Variants in RNF150 observed in about 807,000 individuals in gnomAD.
RNF150 encodes ring finger protein 150.
In RNF150, 24 loss-of-function variants were observed where a neutral mutation model predicts 39.3. The ratio of observed to expected loss-of-function variants is 0.61; its 90% CI spans 0.44 to 0.86. The LOEUF (loss-of-function observed/expected upper bound fraction) is 0.86, where lower values mean the gene tolerates loss of function less well. RNF150 is among the 40% of genes least tolerant of loss of function. The pLI is 0.00. For synonymous variants in RNF150, 255 were observed against 227.3 expected, an observed-to-expected ratio of 1.12 and a Z score of -1.10; for missense variants, 502 against 587.8, an observed-to-expected ratio of 0.85 and a Z score of 1.51.
At chr4:141,198,033 C>CA (rs1470979331) in intron 1 of RNF150, among the ~76,000 whole-genome samples, 1 of 139,466 alleles carries the variant, frequency 7.2e-6, no homozygotes, top group Non-Finnish European at 1.6e-5. Context: ...TAGACCACTC[C>CA]TTTTTTTTTT....
chr4:140,896,688 A>T (rs528102571), intron 6 of RNF150, among the ~76,000 whole-genome samples: 713 of 12,972 alleles, frequency 0.055, 2 homozygotes, highest in Non-Finnish European at 0.088. Context: ...AGAGTATAAT[A>T]AAAAAAAAAA....
intron 1 of RNF150, among the ~76,000 whole-genome samples, chr4:141,070,183 G>C (rs928438599): frequency 1.3e-5 from 2 of 152,136 alleles, no homozygotes; most frequent in East Asian, 3.9e-4. Context: ...GACATATGTA[G>C]AAAGCTGAAA....
chr4:140,986,353 T>C (rs1236948070), intron 1 of RNF150, among the ~76,000 whole-genome samples: 1 of 152,112 alleles, frequency 6.6e-6, no homozygotes, highest in Non-Finnish European at 1.5e-5. Flanking sequence ...AGTCTCAGCC[T>C]GGCTAGGTGA....
chr4:141,169,855 A>AT (rs1364163758), intron 1 of RNF150, among the ~76,000 whole-genome samples: 1 of 151,702 alleles, frequency 6.6e-6, no homozygotes, highest in Non-Finnish European at 1.5e-5. Context: ...CATTTAACAC[A>AT]TTTTTTTCTA....
chr4:141,167,905 G>T (rs181379456), intron 1 of RNF150, among the ~76,000 whole-genome samples: 4 of 151,930 alleles, frequency 2.6e-5, no homozygotes, highest in Non-Finnish European at 5.9e-5. Flanking sequence ...TGATTAAAAC[G>T]CCAAAAGCAA....
intron 6 of RNF150, among the ~76,000 whole-genome samples, chr4:140,873,069 C>G (rs1165712066): frequency 6.6e-6 from 1 of 152,126 alleles, no homozygotes; most frequent in Non-Finnish European, 1.5e-5. Flanking sequence ...AACTGGTGAC[C>G]CTTGATGCTG....
chr4:141,020,933 T>A (rs1735467764), intron 1 of RNF150, among the ~76,000 whole-genome samples: 1 of 151,994 alleles, frequency 6.6e-6, no homozygotes, highest in African/African-American at 2.4e-5. Context: ...AAAAACAACA[T>A]AAAGTGGTAA....
At chr4:141,195,270 G>A (rs1475349233) in intron 1 of RNF150, among the ~76,000 whole-genome samples, 1 of 152,106 alleles carries the variant, frequency 6.6e-6, no homozygotes, top group Non-Finnish European at 1.5e-5. Context: ...CTAAACCTGA[G>A]CTAGGATTAT....
At chr4:141,104,084 G>T (rs1578733775) in intron 1 of RNF150, among the ~76,000 whole-genome samples, 1 of 152,154 alleles carries the variant, frequency 6.6e-6, no homozygotes, top group Admixed American at 6.5e-5. Flanking sequence ...GAGGTGATAA[G>T]GCTTGGGGTT....
chr4:141,211,105 A>G (rs1728457299), intron 1 of RNF150, among the ~76,000 whole-genome samples: 2 of 152,186 alleles, frequency 1.3e-5, no homozygotes, highest in African/African-American at 4.8e-5. Flanking sequence ...AAGAAAAACC[A>G]CCTTGTTGAA....
In RNF150 at chr4:141,132,870, C is replaced by T. The variant is rs1057202982; in HGVS notation, c.-62G>A. ...CTCCCTCCGTCCCGTCCCTCCTCCC[C>T]AGCCCCGGCCAACCCCGGGCCGCTG... On this transcript the variant is annotated 5_prime_UTR_variant, in exon 1 of 7. Coordinates refer to ENST00000515673, the MANE Select transcript of RNF150 (RefSeq NM_020724.2). The surrounding 1 kb of genome is among the most constrained non-coding windows in gnomAD (Gnocchi z 4.9). The T allele has an allele frequency of 1.4e-6, 2 of 1,403,640 alleles. No homozygotes were observed. Among genetic ancestry groups the T allele is most frequent in the African/African-American group, 1.4e-5 (1 of 69,296 alleles). The allele number at this position is 1,403,640 out of a possible 1,614,324, so 86.9% of individuals were successfully genotyped here. A position where few individuals can be genotyped will look rare whatever the true frequency, so the allele number is the denominator to read the frequency against.
At chr4:141,081,632 G>A (rs1738151965) in intron 1 of RNF150, among the ~76,000 whole-genome samples, 1 of 152,214 alleles carries the variant, frequency 6.6e-6, no homozygotes, top group South Asian at 2.1e-4. Context: ...AGACAAAATA[G>A]AGGTCTGTGA....
rs554352237 is a variant in RNF150, at chr4:140,923,787, A to G, written c.987+2190T>C. On this transcript the variant is annotated intron_variant, in intron 5 of 6. Coordinates refer to ENST00000515673, the MANE Select transcript of RNF150 (RefSeq NM_020724.2). ...ACATATACACCATGGAATACTATGC[A>G]GCCATAAAAAATGATGAGCTCATGT... Among the ~76,000 whole-genome samples the G allele has an allele frequency of 2.2e-3, 331 of 152,330 alleles. 1 individual carries two copies. Among genetic ancestry groups the G allele is most frequent in the African/African-American group, 7.3e-3 (303 of 41,578 alleles).
intron 1 of RNF150, among the ~76,000 whole-genome samples, chr4:141,021,931 T>C (rs1735509438): frequency 6.6e-6 from 1 of 152,222 alleles, no homozygotes; most frequent in Admixed American, 6.5e-5. Flanking sequence ...CATGAGAGTT[T>C]AGCTAATCCA....
intron 4 of RNF150, among the ~76,000 whole-genome samples, chr4:140,941,976 G>A (rs562570454): frequency 6.6e-5 from 10 of 152,036 alleles, no homozygotes; most frequent in African/African-American, 1.9e-4. Context: ...AATAAAACGC[G>A]CACAAAATTC....
chr4:140,937,824 A>T (rs1731916592), intron 4 of RNF150, among the ~76,000 whole-genome samples: 1 of 152,140 alleles, frequency 6.6e-6, no homozygotes, highest in Non-Finnish European at 1.5e-5. Context: ...AGTTATTTTT[A>T]AAAAACACAT....
chr4:140,869,957 C>A (rs1214823957), intron 6 of RNF150, among the ~76,000 whole-genome samples: 2 of 152,032 alleles, frequency 1.3e-5, no homozygotes, highest in African/African-American at 4.8e-5. Flanking sequence ...ATTAAAAAAA[C>A]CAACAAAAAT....
chr4:141,072,468 A>G (rs577043002), intron 1 of RNF150, among the ~76,000 whole-genome samples: 126 of 152,274 alleles, frequency 8.3e-4, no homozygotes, highest in African/African-American at 3.0e-3. Context: ...GTGGGACAAA[A>G]GGAAAAAAGG....
At chr4:141,089,912 C>T (rs1437900424) in intron 1 of RNF150, among the ~76,000 whole-genome samples, 3 of 152,156 alleles carry the variant, frequency 2.0e-5, no homozygotes, top group African/African-American at 4.8e-5. Context: ...AGTAACACAT[C>T]GATGCCACCA....
Sources: gnomAD v4.1 joint callset for allele counts (sites outside exome capture counted in the v4.1 genomes callset) on GRCh38, gnomAD v4.1.1 for gene constraint, Gnocchi (gnomAD v3.1) non-coding constraint, MANE v1.5 for transcripts, NCBI Gene and HGNC (gene_info 2026-07-23, HGNC 2026-07-21) for gene names.